The following ZNF33A variants were observed in gnomAD, a reference collection of about 807,000 sequenced individuals.
ZNF33A encodes zinc finger protein 33A.
A neutral mutation model predicts 15.9 loss-of-function variants in ZNF33A; 9 were observed. That is an observed-to-expected ratio of 0.57 (90% CI 0.34 to 0.99). The LOEUF (loss-of-function observed/expected upper bound fraction) is 0.99. ZNF33A is among the 50% of genes least tolerant of loss of function. The pLI, the probability that ZNF33A is intolerant of heterozygous loss-of-function variation, is 0.02. For missense variants in ZNF33A, 843 were observed against 941.6 expected (o/e 0.90, Z 1.37); for synonymous variants, 294 against 324.2 (o/e 0.91, Z 1.00).
downstream of ZNF33A, among the ~76,000 whole-genome samples, chr10:38,061,379 G>A (rs1295189160): frequency 6.6e-6 from 1 of 152,158 alleles, no homozygotes; most frequent in East Asian, 1.9e-4. Flanking sequence ...AGGTGCTGAT[G>A]AGAAGAGAAA....
intron 1 of ZNF33A, 125 bp from the exon 2 acceptor site, chr10:38,012,173 A>C (rs1564828086): frequency 1.2e-6 from 1 of 862,800 alleles, no homozygotes. Flanking sequence ...GTCAGAGGAC[A>C]TTGATACTCT....
Position 38,055,263 on chromosome 10 carries a change from CA to C in ZNF33A, c.1140del (p.Glu382ArgfsTer57), listed in dbSNP as rs2066413941. The C allele has an allele frequency of 6.2e-7, 1 of 1,613,996 alleles. No homozygotes were observed. Among genetic ancestry groups the C allele is most frequent in the Admixed American group, 1.7e-5 (1 of 59,990 alleles). On this transcript the variant is annotated frameshift_variant, in exon 5 of 5. Transcript: ENST00000432900. LOFTEE classifies it low-confidence loss of function (END_TRUNC). ...CTCACTAAACATCAAAGATCACACA[CA>C]GGGGAGAAACCTTTTGAATGCAATG... The part of the protein sequence containing the change: ...SNLTKHQRSH[T>X]GEKPFECNEC...
intron 4 of ZNF33A, among the ~76,000 whole-genome samples, chr10:38,026,170 G>C (rs1207073731): frequency 6.6e-6 from 1 of 152,188 alleles, no homozygotes; most frequent in African/African-American, 2.4e-5. Context: ...CCTTTTGGCT[G>C]TTGTGAATAA....
chr10:38,056,409 C>T lies in ZNF33A; in HGVS notation c.2285C>T (p.Ser762Leu), dbSNP rs1420357380. The T allele has an allele frequency of 8.1e-6, 13 of 1,614,084 alleles. No homozygotes were observed. The highest frequency in any genetic ancestry group is 1.1e-5 in the Non-Finnish European group (13 of 1,179,966). ...NTCRKTFSQK[S>L]NLIVHQRRHI... Reference sequence around the variant, plus strand: ...TGCAGGAAAACTTTCTCTCAAAAGTCAAATCTCATTGTACATCAGAGAAGA... The same window carrying T: ...TGCAGGAAAACTTTCTCTCAAAAGTTAAATCTCATTGTACATCAGAGAAGA... The change falls in exon 5 of 5, where the codon TCA (serine) becomes TTA (leucine). Residue 762 changes from serine (S) to leucine (L), a missense_variant. Physicochemically the swap from Ser to Leu is moderately radical, Grantham distance 145. Coordinates refer to ENST00000432900, the MANE Select transcript of ZNF33A (RefSeq NM_006954.2).
At chr10:38,010,882 G>A (rs1014394406) in intron 1 of ZNF33A, 99 bp downstream of exon 1, 5 of 1,453,900 alleles carry the variant, frequency 3.4e-6, no homozygotes, top group Non-Finnish European at 3.8e-6. Flanking sequence ...GAGGAGGCCC[G>A]GGGACCTCAT....
chr10:38,019,535 CTG>C (rs899640442), intron 4 of ZNF33A, among the ~76,000 whole-genome samples: 16 of 152,284 alleles, frequency 1.1e-4, no homozygotes, highest in African/African-American at 3.9e-4. Context: ...CAGAGAATGA[CTG>C]TGGGTTTCTC....
Position 38,054,482 on chromosome 10 carries a change from G to A in ZNF33A, c.358G>A (p.Asp120Asn), listed in dbSNP as rs1169702230. 9 of 1,612,146 alleles carry A rather than the reference G, an allele frequency of 5.6e-6. No homozygotes were observed. The highest frequency in any genetic ancestry group is 1.3e-5 in the African/African-American group (1 of 74,854). ...NNEMLTKEQG[D>N]VIGIPFNVDV... ...TGAAATGCTGACTAAGGAACAAGGT[G>A]ATGTAATAGGAATACCATTTAATGT... The change falls in exon 5 of 5, where the codon GAT becomes AAT. Residue 120 changes from aspartate to asparagine, a missense_variant. Coordinates refer to ENST00000432900, the MANE Select transcript of ZNF33A (RefSeq NM_006954.2).
At chr10:38,042,083 A>G (rs541591106) in intron 4 of ZNF33A, among the ~76,000 whole-genome samples, 1 of 152,182 alleles carries the variant, frequency 6.6e-6, no homozygotes, top group East Asian at 1.9e-4. Flanking sequence ...AGTTTGTTAT[A>G]CTAACCTTCT....
At chr10:38,067,524 G>A (rs1230251409), downstream of ZNF33A, among the ~76,000 whole-genome samples, 2 of 152,228 alleles carry the variant, frequency 1.3e-5, no homozygotes, top group Non-Finnish European at 2.9e-5. Flanking sequence ...CAAAGCCATA[G>A]GAAGGATTTG....
At chr10:38,063,974 GA>G, downstream of ZNF33A, 1 of 980,150 alleles carries the variant, frequency 1.0e-6, no homozygotes. Flanking sequence ...GTGCCTGCAG[GA>G]CAGTGCATTC....
intron 4 of ZNF33A, among the ~76,000 whole-genome samples, chr10:38,029,071 A>G (rs2065106062): frequency 6.6e-6 from 1 of 152,180 alleles, no homozygotes; most frequent in African/African-American, 2.4e-5. Context: ...GTCCCGCAGG[A>G]AGTAAAAAAA....
At chr10:38,042,867 A>T (rs2065768255) in intron 4 of ZNF33A, among the ~76,000 whole-genome samples, 1 of 152,204 alleles carries the variant, frequency 6.6e-6, no homozygotes, top group Non-Finnish European at 1.5e-5. Flanking sequence ...TTATTGTTAA[A>T]TACATTGCAT....
In ZNF33A at chr10:38,012,363, T is replaced by G; in HGVS notation, c.9+13T>G. 6.2e-7 allele frequency: 1 copy of G among 1,613,686 alleles called. No individual in the cohort carries two copies. The highest frequency in any genetic ancestry group is 8.5e-7 in the Non-Finnish European group (1 of 1,179,816). On this transcript the variant is annotated intron_variant, in intron 2 of 4. Transcript: ENST00000432900. ...CAAAATGAACAAGGTAAGTTGTTTA[T>G]TAATTCCCTACTTTATTTTGCAGTG... is the stretch of plus-strand genomic sequence containing the variant.
At chr10:38,030,288 C>A (rs1401548857) in intron 4 of ZNF33A, among the ~76,000 whole-genome samples, 2 of 152,088 alleles carry the variant, frequency 1.3e-5, no homozygotes, top group Admixed American at 6.6e-5. Context: ...TATGTTCCAT[C>A]AAAAAAATTT....
At chr10:38,065,420 C>T (rs185590349), downstream of ZNF33A, among the ~76,000 whole-genome samples, 601 of 152,300 alleles carry the variant, frequency 3.9e-3, 7 homozygotes, top group African/African-American at 0.014. Flanking sequence ...GACTTGATAA[C>T]TCACGATAAG....
chr10:38,018,685 G>A (rs1404511884), intron 4 of ZNF33A, among the ~76,000 whole-genome samples: 4 of 152,134 alleles, frequency 2.6e-5, no homozygotes, highest in Non-Finnish European at 5.9e-5. Context: ...AGACAGAGCC[G>A]GAAGGCAGGA....
At chr10:38,049,063 ATAGAG>A (rs1297515050) in intron 4 of ZNF33A, among the ~76,000 whole-genome samples, 1 of 152,154 alleles carries the variant, frequency 6.6e-6, no homozygotes, top group African/African-American at 2.4e-5. Context: ...TTGAAGTCAT[ATAGAG>A]TATTTTCTCC....
At chr10:38,025,376 G>A (rs560207159) in intron 4 of ZNF33A, among the ~76,000 whole-genome samples, 1 of 152,322 alleles carries the variant, frequency 6.6e-6, no homozygotes, top group Admixed American at 6.5e-5. Context: ...CTCACCCCAA[G>A]TGTGGTGGTG....
chr10:38,051,145 C>T (rs112275558), intron 4 of ZNF33A, among the ~76,000 whole-genome samples: 1,675 of 152,048 alleles, frequency 0.011, 40 homozygotes, highest in African/African-American at 0.038. Context: ...AATCATGAAG[C>T]CATTTTTGGT....
Sources: gnomAD v4.1 joint callset for allele counts (sites outside exome capture counted in the v4.1 genomes callset) on GRCh38, gnomAD v4.1.1 for gene constraint, MANE v1.5 for transcripts, NCBI Gene and HGNC (gene_info 2026-07-23, HGNC 2026-07-21) for gene names.